The following TMEM217B variants were observed in gnomAD, a reference collection of about 807,000 sequenced individuals.
TMEM217B encodes the protein transmembrane protein 217B.
At chr6:37,243,156 G>A in the TMEM217B span, among the ~76,000 whole-genome samples, 1 of 152,058 alleles carries the variant, frequency 6.6e-6, no homozygotes, top group Non-Finnish European at 1.5e-5. Flanking sequence ...AACTAATAAA[G>A]TCCACCACGG....
At chr6:37,255,642 T>C in the TMEM217B span, among the ~76,000 whole-genome samples, 3 of 150,902 alleles carry the variant, frequency 2.0e-5, no homozygotes, top group African/African-American at 7.4e-5. Context: ...TGAGATCATG[T>C]CACTGGACTC....
the TMEM217B span, chr6:37,217,645 A>G: frequency 2.0e-6 from 2 of 985,204 alleles, no homozygotes; most frequent in East Asian, 1.1e-4. Flanking sequence ...TGAAGGATGA[A>G]TTTTCTCTAT....
chr6:37,212,881 G>A, the TMEM217B span: 2 of 1,501,184 alleles, frequency 1.3e-6, no homozygotes, highest in Non-Finnish European at 1.8e-6. Context: ...GCAAATGTGT[G>A]TCTTCTGGTT....
the TMEM217B span, among the ~76,000 whole-genome samples, chr6:37,226,487 C>T: frequency 1.1e-4 from 16 of 150,442 alleles, no homozygotes; most frequent in Non-Finnish European, 1.8e-4. Flanking sequence ...TGAGTAGAGA[C>T]GGGGTTTCAC....
chr6:37,228,660 C>T, the TMEM217B span, among the ~76,000 whole-genome samples: 1 of 147,938 alleles, frequency 6.8e-6, no homozygotes, highest in South Asian at 2.2e-4. Flanking sequence ...GCCGAGATCG[C>T]GCCACTGCAC....
At chr6:37,246,082 G>A in the TMEM217B span, among the ~76,000 whole-genome samples, 8 of 152,112 alleles carry the variant, frequency 5.3e-5, no homozygotes, top group Non-Finnish European at 7.4e-5. Context: ...GATTACAGGC[G>A]TGAGCCACTG....
chr6:37,216,412 T>C, the TMEM217B span, among the ~76,000 whole-genome samples: 1 of 152,118 alleles, frequency 6.6e-6, no homozygotes, highest in South Asian at 2.1e-4. Context: ...TTCTTGCTGC[T>C]GTGAGGGCCA....
At chr6:37,237,896 GATA>G in the TMEM217B span, among the ~76,000 whole-genome samples, 1 of 152,124 alleles carries the variant, frequency 6.6e-6, no homozygotes, top group African/African-American at 2.4e-5. Flanking sequence ...CAAAGTGAAG[GATA>G]ATGAGCTCAG....
the TMEM217B span, chr6:37,257,783 G>A: frequency 2.1e-6 from 2 of 938,592 alleles, no homozygotes; most frequent in Non-Finnish European, 3.2e-6. Context: ...CATCCAAGAT[G>A]GCGTCCCCAG....
At chr6:37,235,617 TG>T in the TMEM217B span, among the ~76,000 whole-genome samples, 126,628 of 151,656 alleles carry the variant, frequency 0.83, 53,273 homozygotes, top group South Asian at 0.91. Context: ...CCGTCCACCT[TG>T]GCCTCCCAAA....
At chr6:37,219,050 A>T in the TMEM217B span, 1 of 1,603,652 alleles carries the variant, frequency 6.2e-7, no homozygotes, top group South Asian at 1.1e-5. Context: ...TCCTGTGAAG[A>T]CAAACAACAT....
At chr6:37,250,790 C>T in the TMEM217B span, among the ~76,000 whole-genome samples, 1 of 152,250 alleles carries the variant, frequency 6.6e-6, no homozygotes, top group Non-Finnish European at 1.5e-5. Context: ...GCAACACATT[C>T]TGATCTTTTC....
the TMEM217B span, chr6:37,217,891 C>A: frequency 1.0e-6 from 1 of 985,812 alleles, no homozygotes; most frequent in Non-Finnish European, 1.2e-6. Flanking sequence ...TTTGACCAAT[C>A]AGGTGGTAGA....
At chr6:37,235,497 C>G in the TMEM217B span, among the ~76,000 whole-genome samples, 1 of 152,146 alleles carries the variant, frequency 6.6e-6, no homozygotes, top group Non-Finnish European at 1.5e-5. Context: ...TCCTGAGTAG[C>G]TGGGACTACA....
the TMEM217B span, among the ~76,000 whole-genome samples, chr6:37,251,710 C>T: frequency 2.6e-5 from 4 of 152,004 alleles, no homozygotes; most frequent in Admixed American, 6.6e-5. Flanking sequence ...ACTGGAGAGA[C>T]GGAGGGGAAT....
the TMEM217B span, among the ~76,000 whole-genome samples, chr6:37,237,823 CT>C: frequency 4.6e-5 from 7 of 152,064 alleles, no homozygotes; most frequent in African/African-American, 1.7e-4. Flanking sequence ...TACACACACA[CT>C]ACACACACAT....
At chr6:37,215,570 C>CAAAAAAAAAAAAAAAA in the TMEM217B span, among the ~76,000 whole-genome samples, 34 of 72,376 alleles carry the variant, frequency 4.7e-4, no homozygotes, top group South Asian at 1.1e-3. Context: ...GACTCTGTCT[C>CAAAAAAAAAAAAAAAA]AAAAAAAAAA....
chr6:37,242,777 C>T, the TMEM217B span, among the ~76,000 whole-genome samples: 1 of 152,178 alleles, frequency 6.6e-6, no homozygotes, highest in African/African-American at 2.4e-5. Flanking sequence ...GGTGTCAGGG[C>T]TCTAGGTTGG....
the TMEM217B span, among the ~76,000 whole-genome samples, chr6:37,241,871 T>G: frequency 6.6e-6 from 1 of 152,224 alleles, no homozygotes; most frequent in Non-Finnish European, 1.5e-5. Flanking sequence ...TGGCTTTGTA[T>G]GTAACCGTGT....
Sources: allele counts gnomAD v4.1 joint callset (sites outside exome capture counted in the v4.1 genomes callset), GRCh38; gene constraint gnomAD v4.1.1; transcripts MANE v1.5; gene names NCBI Gene and HGNC (gene_info 2026-07-23, HGNC 2026-07-21).